MKLN1: variants seen among roughly 807,000 people sequenced by gnomAD.
MKLN1 encodes the protein muskelin 1, also known as muskelin.
MKLN1 carries 18 observed loss-of-function variants against 99.0 expected under a neutral mutation model. The ratio of observed to expected loss-of-function variants is 0.18; its 90% confidence interval spans 0.13 to 0.27. The LOEUF (loss-of-function observed/expected upper bound fraction) is 0.27, where lower values mean the gene tolerates loss of function less well. Among genes scored for constraint, MKLN1 ranks in the 10% least tolerant of loss-of-function variants. The pLI is 1.00. For missense variants in MKLN1, 621 were observed against 875.9 expected (o/e 0.71, Z 3.67); for synonymous variants, 288 against 293.2 (o/e 0.98, Z 0.18).
intron 3 of MKLN1, among the ~76,000 whole-genome samples, chr7:131,314,261 C>T (rs1337471131): frequency 6.6e-6 from 1 of 152,184 alleles, no homozygotes; most frequent in Non-Finnish European, 1.5e-5. Flanking sequence ...GAAATCTCTC[C>T]ATGACTCTTC....
intron 1 of MKLN1, among the ~76,000 whole-genome samples, chr7:131,124,617 A>G (rs1469083948): frequency 6.6e-6 from 1 of 151,840 alleles, no homozygotes; most frequent in Admixed American, 6.6e-5. Context: ...GCTCCCTCCT[A>G]TTGTGCCTCC....
chr7:131,456,039 C>G (rs556226912), intron 12 of MKLN1, among the ~76,000 whole-genome samples: 60 of 44,098 alleles, frequency 1.4e-3, no homozygotes, highest in Middle Eastern at 6.9e-3. Flanking sequence ...GAGTGAGACT[C>G]TGTCTCCAAA....
At chr7:131,356,093 A>G (rs1799870504) in intron 1 of MKLN1, among the ~76,000 whole-genome samples, 1 of 148,404 alleles carries the variant, frequency 6.7e-6, no homozygotes, top group Admixed American at 6.7e-5. Flanking sequence ...GAGGAAGGGA[A>G]GAAAAGGAAA....
At chr7:131,110,575 G>T (rs1795178337) in intron 1 of MKLN1, among the ~76,000 whole-genome samples, 2 of 152,184 alleles carry the variant, frequency 1.3e-5, no homozygotes, top group Admixed American at 1.3e-4. Context: ...TTTCTGGGTT[G>T]TCTTGTTCAA....
intron 7 of MKLN1, among the ~76,000 whole-genome samples, chr7:131,414,115 CA>C (rs1452311259): frequency 6.6e-6 from 1 of 151,988 alleles, no homozygotes; most frequent in African/African-American, 2.4e-5. Context: ...AAAATAATTA[CA>C]CAAAGTACAA....
At chr7:131,242,995 G>T in intron 3 of MKLN1, 1 of 607,382 alleles carries the variant, frequency 1.6e-6, no homozygotes, top group South Asian at 1.4e-5. Context: ...CAGAAGCTGC[G>T]GTTTTAGATG....
chr7:131,487,861 C>T lies in MKLN1; in HGVS notation c.*133C>T. On this transcript the variant is annotated 3_prime_UTR_variant, in exon 18 of 18. Coordinates refer to ENST00000352689, the MANE Select transcript of MKLN1 (RefSeq NM_013255.5). This position sits in a 1 kb window ranked among gnomAD's most constrained non-coding sequence, Gnocchi z 4.7. ...AGAGTTCTGAAGGGATCTTAACCAT[C>T]ACAAGTTTTTACCCTCTTCCTTCAT... is the stretch of plus-strand genomic sequence containing the variant. 9.3e-7 allele frequency: 1 copy of T among 1,075,266 alleles called. No individual in the cohort carries two copies. The highest frequency in any genetic ancestry group is 2.7e-5 in the East Asian group (1 of 36,888). 66.6% of individuals were successfully genotyped at this position (1,075,266 alleles called of 1,614,324 possible). A position where few individuals can be genotyped will look rare whatever the true frequency, so the allele number is the denominator to read the frequency against.
intron 1 of MKLN1, among the ~76,000 whole-genome samples, chr7:131,363,174 T>C (rs1800080276): frequency 6.6e-6 from 1 of 152,030 alleles, no homozygotes. Flanking sequence ...CAGTGCAGTT[T>C]TTGAGCTGTG....
chr7:131,140,985 C>T (rs6977414), intron 1 of MKLN1, among the ~76,000 whole-genome samples: 2 of 151,818 alleles, frequency 1.3e-5, no homozygotes, highest in Admixed American at 6.6e-5. Flanking sequence ...GGGGCTTCAC[C>T]GTGTTAGCCA....
At chr7:131,179,341 T>C (rs1232212433) in intron 2 of MKLN1, among the ~76,000 whole-genome samples, 1 of 152,148 alleles carries the variant, frequency 6.6e-6, no homozygotes, top group South Asian at 2.1e-4. Context: ...TAGATTCCTT[T>C]AAGGGTCTAC....
intron 1 of MKLN1, among the ~76,000 whole-genome samples, chr7:131,111,258 C>G (rs1320290048): frequency 6.6e-6 from 1 of 152,200 alleles, no homozygotes; most frequent in Non-Finnish European, 1.5e-5. Context: ...TAATCACCAG[C>G]GTGTTCCGTG....
intron 3 of MKLN1, among the ~76,000 whole-genome samples, chr7:131,206,944 C>G (rs1430828202): frequency 6.6e-6 from 1 of 152,076 alleles, no homozygotes; most frequent in East Asian, 1.9e-4. Flanking sequence ...TGATTTGGGA[C>G]ATGTGTTTTT....
intron 1 of MKLN1, among the ~76,000 whole-genome samples, chr7:131,358,275 A>G (rs1799937867): frequency 6.6e-6 from 1 of 152,168 alleles, no homozygotes; most frequent in South Asian, 2.1e-4. Context: ...ATTCTGTGAA[A>G]TGCTTTCTCT....
chr7:131,262,080 A>G lies in MKLN1; in HGVS notation c.-179+59106A>G, dbSNP rs146874128. Reference sequence around the variant, plus strand: ...GGTGATGAAATAATTTGTACAACAAACCCTACAACATGCAATTTACCTATA... The same window carrying G: ...GGTGATGAAATAATTTGTACAACAAGCCCTACAACATGCAATTTACCTATA... On this transcript the variant is annotated intron_variant, in intron 3 of 7. Coordinates refer to the MKLN1 transcript ENST00000416992. Among the ~76,000 whole-genome samples, 31 of 152,174 alleles carry G rather than the reference A, an allele frequency of 2.0e-4. No homozygotes were observed. The East Asian group carries it at 5.6e-3, about 27-fold the overall frequency.
chr7:131,482,283 T>C (rs954254193), intron 17 of MKLN1, among the ~76,000 whole-genome samples: 1 of 152,152 alleles, frequency 6.6e-6, no homozygotes, highest in African/African-American at 2.4e-5. Flanking sequence ...CAGCCTGGAC[T>C]TCCTGGGCTC....
Position 131,489,111 on chromosome 7 carries a change from C to G in MKLN1, c.*1383C>G, listed in dbSNP as rs1797361472. On this transcript the variant is annotated 3_prime_UTR_variant, in exon 18 of 18. Transcript: ENST00000352689. Reference sequence around the variant, plus strand: ...ATAGCTTTATGGAATCAAGTATGTCCCTGAGTAGCAAGATTAGGCCTCACC... The same window carrying G: ...ATAGCTTTATGGAATCAAGTATGTCGCTGAGTAGCAAGATTAGGCCTCACC... The G allele has an allele frequency of 6.6e-6, 1 of 152,012 alleles. No individual in the cohort carries two copies. The highest frequency in any genetic ancestry group is 2.4e-5 in the African/African-American group (1 of 41,406). The allele number at this position is 152,012 out of a possible 1,614,324, so 9.4% of individuals were successfully genotyped here.
intron 11 of MKLN1, 126 bp from the exon 12 acceptor site, chr7:131,445,648 C>A: frequency 1.5e-6 from 1 of 663,624 alleles, no homozygotes; most frequent in Non-Finnish European, 2.4e-6. Context: ...TTTATTCCAG[C>A]ATAGTACTCC....
chr7:131,315,313 A>G (rs1170227729), intron 3 of MKLN1, among the ~76,000 whole-genome samples: 1 of 152,040 alleles, frequency 6.6e-6, no homozygotes, highest in Non-Finnish European at 1.5e-5. Context: ...AAGTGCAAGG[A>G]GCTGGGGGAC....
intron 1 of MKLN1, among the ~76,000 whole-genome samples, chr7:131,359,193 C>T (rs763955837): frequency 2.0e-5 from 3 of 152,072 alleles, no homozygotes; most frequent in Non-Finnish European, 2.9e-5. Flanking sequence ...CTGTATCCCA[C>T]AAGTTTTGAT....
Sources: allele counts gnomAD v4.1 joint callset (sites outside exome capture counted in the v4.1 genomes callset), GRCh38; gene constraint gnomAD v4.1.1; non-coding constraint Gnocchi (gnomAD v3.1); transcripts MANE v1.5; gene names NCBI Gene and HGNC (gene_info 2026-07-23, HGNC 2026-07-21).